ULK4: variants seen among roughly 807,000 people sequenced by gnomAD.
ULK4 encodes the protein unc-51 like kinase 4, also known as inactive serine/threonine-protein kinase ULK4.
ULK4 carries 133 observed loss-of-function variants against 160.6 expected under a neutral mutation model. The observed-to-expected ratio is 0.83, with a 90% CI of 0.72 to 0.96. The LOEUF is 0.96. ULK4 is among the 40% of genes least tolerant of loss of function. The pLI, the probability that ULK4 is intolerant of heterozygous loss-of-function variation, is 0.00. For synonymous variants in ULK4, 534 were observed against 539.8 expected, an observed-to-expected ratio of 0.99 and a Z score of 0.15; for missense variants, 1,580 against 1,499.5, an observed-to-expected ratio of 1.05 and a Z score of -0.89.
intron 5 of ULK4, among the ~76,000 whole-genome samples, chr3:41,928,749 T>C (rs1699478018): frequency 6.6e-6 from 1 of 151,978 alleles, no homozygotes; most frequent in African/African-American, 2.4e-5. Context: ...AAGAAATGGA[T>C]AAATTCCTGG....
At chr3:41,902,308 A>G (rs1394644469) in intron 12 of ULK4, among the ~76,000 whole-genome samples, 1 of 151,998 alleles carries the variant, frequency 6.6e-6, no homozygotes, top group African/African-American at 2.4e-5. Flanking sequence ...GGCCGGGTGC[A>G]GTGGCTTAGG....
chr3:41,942,591 G>A (rs918774259), intron 2 of ULK4, among the ~76,000 whole-genome samples: 3 of 152,092 alleles, frequency 2.0e-5, no homozygotes, highest in Admixed American at 6.6e-5. Context: ...GCCAAGGCAG[G>A]TGGATCACCT....
intron 31 of ULK4, among the ~76,000 whole-genome samples, chr3:41,603,246 TAAA>T (rs1559426205): frequency 6.6e-6 from 1 of 152,084 alleles, no homozygotes; most frequent in African/African-American, 2.4e-5. Flanking sequence ...TACATAATGA[TAAA>T]ATAATAAAAT....
intron 31 of ULK4, among the ~76,000 whole-genome samples, chr3:41,612,448 G>A (rs940000754): frequency 5.3e-5 from 8 of 152,274 alleles, no homozygotes; most frequent in Admixed American, 1.3e-4. Flanking sequence ...ACCTGATCAT[G>A]TGTGTACACA....
At chr3:41,791,937 A>T (rs569143216) in intron 20 of ULK4, among the ~76,000 whole-genome samples, 43 of 152,310 alleles carry the variant, frequency 2.8e-4, no homozygotes, top group Non-Finnish European at 5.0e-4. Flanking sequence ...AACATATACC[A>T]GGGATTTTTA....
chr3:41,911,360 T>A lies in ULK4; in HGVS notation c.1042A>T (p.Ser348Cys). Residue 348 changes from serine to cysteine, a missense_variant, in exon 11 of 37, where the codon AGT becomes TGT. Physicochemically the swap from Ser to Cys is moderately radical, Grantham distance 112 (BLOSUM62 -1). Coordinates refer to ENST00000301831, the MANE Select transcript of ULK4 (RefSeq NM_017886.4). The stretch of plus-strand genomic sequence containing the variant: ...TCATTCAATTGACCCTCAAGAGTAC[T>A]CTTAGGCCGAAACTCAGTTGGATTT... ...LENPTEFRPK[S>C]TLEGQLNESM... 1 of 1,614,038 alleles carries A rather than the reference T, an allele frequency of 6.2e-7. No individual in the cohort carries two copies. Among genetic ancestry groups the A allele is most frequent in the Non-Finnish European group, 8.5e-7 (1 of 1,179,962 alleles).
At chr3:41,745,266 A>G (rs888244991) in intron 22 of ULK4, among the ~76,000 whole-genome samples, 3 of 151,606 alleles carry the variant, frequency 2.0e-5, no homozygotes, top group Admixed American at 1.3e-4. Context: ...AATCTCTAGC[A>G]AAACTGGTAA....
chr3:41,251,385 A>G (rs1398783393), intron 35 of ULK4, among the ~76,000 whole-genome samples: 1 of 152,232 alleles, frequency 6.6e-6, no homozygotes, highest in Non-Finnish European at 1.5e-5. Flanking sequence ...AAAACACATG[A>G]CACTCTTTCT....
At chr3:41,357,369 A>C (rs1376129195) in intron 35 of ULK4, among the ~76,000 whole-genome samples, 3 of 152,174 alleles carry the variant, frequency 2.0e-5, no homozygotes, top group Admixed American at 6.5e-5. Context: ...AGCAGCCTCG[A>C]TCCAACTGTG....
intron 35 of ULK4, among the ~76,000 whole-genome samples, chr3:41,344,936 GA>G (rs1272432673): frequency 6.6e-6 from 1 of 151,650 alleles, no homozygotes; most frequent in Non-Finnish European, 1.5e-5. Context: ...GAGTTTACAA[GA>G]AAAAAACAAC....
chr3:41,731,874 C>T (rs2037837260), intron 22 of ULK4, among the ~76,000 whole-genome samples: 1 of 152,090 alleles, frequency 6.6e-6, no homozygotes, highest in South Asian at 2.1e-4. Flanking sequence ...CAAGAACACA[C>T]TTGGGGAGAT....
chr3:41,818,937 T>C (rs913407959), intron 19 of ULK4, among the ~76,000 whole-genome samples: 5 of 152,220 alleles, frequency 3.3e-5, no homozygotes, highest in African/African-American at 7.2e-5. Flanking sequence ...TAAGAAATGA[T>C]GTGAATAAAC....
chr3:41,540,404 A>G (rs1052239228), intron 32 of ULK4, among the ~76,000 whole-genome samples: 6 of 152,158 alleles, frequency 3.9e-5, no homozygotes, highest in Non-Finnish European at 7.4e-5. Context: ...TCTATAGTGT[A>G]TATGTGCCAC....
At position 41,329,883 on chromosome 3, in the gene ULK4, T is replaced by C. The variant is rs187970299; in HGVS notation, c.3678+68196A>G. Among the ~76,000 whole-genome samples, 447 of 152,336 alleles carry C rather than the reference T, an allele frequency of 2.9e-3. 1 individual carries two copies. Among genetic ancestry groups the C allele is most frequent in the African/African-American group, 1.0e-2 (414 of 41,584 alleles). ...AGAAGAGCATATTAGATTTGACAAA[T>C]GGTATTTAGGAAATAAAAATACAAA... On this transcript the variant is annotated intron_variant, in intron 35 of 36. Coordinates refer to ENST00000301831, the MANE Select transcript of ULK4 (RefSeq NM_017886.4).
intron 31 of ULK4, among the ~76,000 whole-genome samples, chr3:41,595,829 T>C (rs2031652337): frequency 6.6e-6 from 1 of 152,130 alleles, no homozygotes; most frequent in African/African-American, 2.4e-5. Flanking sequence ...ACTAAGTAGC[T>C]GAGGGAATAA....
At chr3:41,534,519 A>AAG (rs1005446946) in intron 32 of ULK4, among the ~76,000 whole-genome samples, 3 of 151,286 alleles carry the variant, frequency 2.0e-5, no homozygotes, top group Non-Finnish European at 4.4e-5. Context: ...GTTTAAGCAA[A>AAG]AAAAAAAAAA....
At chr3:41,919,906 A>G in intron 5 of ULK4, 88 bp from the exon 6 acceptor site, 1 of 707,600 alleles carries the variant, frequency 1.4e-6, no homozygotes, top group South Asian at 2.3e-5. Flanking sequence ...ATGAGATGAA[A>G]AAGGGCAGGA....
intron 35 of ULK4, among the ~76,000 whole-genome samples, chr3:41,337,832 C>T (rs150781075): frequency 1.3e-3 from 196 of 152,234 alleles, no homozygotes; most frequent in African/African-American, 4.3e-3. Flanking sequence ...TAATAGGAAT[C>T]CCAGAATCTC....
intron 22 of ULK4, among the ~76,000 whole-genome samples, chr3:41,722,579 C>T (rs1175429480): frequency 6.6e-6 from 1 of 151,844 alleles, no homozygotes; most frequent in African/African-American, 2.4e-5. Flanking sequence ...TGCAATAAGC[C>T]GAGATGGCAC....
Sources: allele counts gnomAD v4.1 joint callset (sites outside exome capture counted in the v4.1 genomes callset), GRCh38; gene constraint gnomAD v4.1.1; transcripts MANE v1.5; gene names NCBI Gene and HGNC (gene_info 2026-07-23, HGNC 2026-07-21).